MXRA5: variants seen among roughly 807,000 people sequenced by gnomAD.
MXRA5 encodes matrix-remodeling-associated protein 5.
MXRA5 carries 41 observed loss-of-function variants against 112.5 expected under a neutral mutation model. That is an observed-to-expected ratio of 0.36 (90% CI 0.28 to 0.47). MXRA5 has a LOEUF of 0.47. Ranked by LOEUF, MXRA5 falls within the 20% of genes least tolerant of loss-of-function variation. The probability of loss-of-function intolerance (pLI) is 0.99; values close to 1 mark genes in which losing one functional copy is unlikely to be tolerated. For missense variants in MXRA5, 2,150 were observed against 2,251.0 expected (o/e 0.96, Z 0.91); for synonymous variants, 862 against 900.8 (o/e 0.96, Z 0.77).
intron 5 of MXRA5, 83 bp from the exon 6 acceptor site, chrX:3,318,086 T>A: frequency 3.6e-6 from 3 of 827,176 alleles, no homozygotes; most frequent in Non-Finnish European, 5.0e-6. Context: ...GTTAATCTAA[T>A]TCTCCACTTT....
At position 3,343,816 on chromosome X, in the gene MXRA5, G is replaced by C; in HGVS notation, c.18C>G (p.His6Gln). Residue 6 changes from histidine to glutamine, a missense_variant, in exon 2 of 7, where the codon CAC (histidine) becomes CAG (glutamine). Physicochemically the swap from His to Gln is conservative, Grantham distance 24. Coordinates refer to ENST00000217939, the MANE Select transcript of MXRA5 (RefSeq NM_015419.4). MPKRAHWGALSVVLIL... is the reference protein window; with the variant it reads MPKRAQWGALSVVLIL... ...TCAGCACCACGGAGAGGGCCCCCCA[G>C]TGCGCGCGCTTGGGCATCTTGTCGG... is the stretch of plus-strand genomic sequence containing the variant. 8.3e-7 allele frequency: 1 copy of C among 1,205,115 alleles called. No homozygotes were observed. The highest frequency in any genetic ancestry group is 2.3e-4 in the Middle Eastern group (1 of 4,256).
rs1555945441 is a variant in MXRA5 at position 3,325,847 on chromosome X, A to AATAATTTATAATTATAATTTATAATAT, written c.710-899_710-873dup. Among the ~76,000 whole-genome samples the AATAATTTATAATTATAATTTATAATAT allele has an allele frequency of 2.2e-3, 130 of 58,943 alleles. 1 individual carries two copies. The highest frequency in any genetic ancestry group is 5.7e-3 in the African/African-American group (90 of 15,717). 51.2% of individuals were successfully genotyped at this position (58,943 alleles called of 115,157 possible). A position where few individuals can be genotyped will look rare whatever the true frequency, so the allele number is the denominator to read the frequency against. ...ATATATAATAATATATTTATTCATA[A>AATAATTTATAATTATAATTTATAATAT]ATAATTTATAATTATAATTTATAAT... is the stretch of plus-strand genomic sequence containing the variant. On this transcript the variant is annotated intron_variant, in intron 4 of 6. Transcript: ENST00000217939.
chrX:3,319,102 T>G (rs1921229580), intron 5 of MXRA5, among the ~76,000 whole-genome samples: 1 of 111,321 alleles, frequency 9.0e-6, no homozygotes, highest in African/African-American at 3.3e-5. Context: ...GAGTATGAAG[T>G]TCAGTTAGGA....
rs1555945442 is a variant in MXRA5, at chrX:3,325,847, A to AATAATTTATAATT, written c.710-885_710-873dup. On this transcript the variant is annotated intron_variant, in intron 4 of 6. Coordinates refer to ENST00000217939, the MANE Select transcript of MXRA5 (RefSeq NM_015419.4). ...ATATATAATAATATATTTATTCATA[A>AATAATTTATAATT]ATAATTTATAATTATAATTTATAAT... Among the ~76,000 whole-genome samples the AATAATTTATAATT allele has an allele frequency of 3.6e-3, 214 of 58,930 alleles. 1 individual carries two copies. Among genetic ancestry groups the AATAATTTATAATT allele is most frequent in the African/African-American group, 0.012 (193 of 15,705 alleles). 51.2% of individuals were successfully genotyped at this position (58,930 alleles called of 115,157 possible).
chrX:3,345,148 A>G (rs1192037440), intron 1 of MXRA5, among the ~76,000 whole-genome samples: 2 of 111,879 alleles, frequency 1.8e-5, no homozygotes, highest in Admixed American at 1.9e-4. Flanking sequence ...AATAAAAATA[A>G]AATTCTAAAA....
rs760983208 is a variant in MXRA5, at chrX:3,309,953, G to A, written c.8250C>T (p.Thr2750=). 3 of 1,209,095 alleles carry A rather than the reference G, an allele frequency of 2.5e-6. No homozygotes were observed. The highest frequency in any genetic ancestry group is 3.5e-5 in the South Asian group (2 of 56,602). Residue 2750 remains threonine, a synonymous_variant, in exon 7 of 7, where the codon ACC becomes ACT. Transcript: ENST00000217939. ...TPVIYTRPGN[T]VKLNCMAMGI... ...CCATAGCCATGCAGTTCAGTTTCAC[G>A]GTGTTCCCGGGCCGGGTGTAGATGA...
Position 3,317,523 on chromosome X carries a change from T to C in MXRA5, c.6158A>G (p.Lys2053Arg). ...CGGGGGCAGCGAGATGTTCTCCAGC[T>C]TCTCCTGGTGGATAACGGGGGGCAG... The part of the protein sequence containing the change: ...AALPPVIHQE[K>R]LENISLPPGL... Residue 2053 changes from lysine to arginine, a missense_variant, in exon 6 of 7, where the codon AAG becomes AGG. By Grantham distance (26) the Lys-to-Arg change is conservative. Transcript: ENST00000217939. 1 of 1,205,578 alleles carries C rather than the reference T, an allele frequency of 8.3e-7. No individual in the cohort carries two copies. Among genetic ancestry groups the C allele is most frequent in the Non-Finnish European group, 1.1e-6 (1 of 892,761 alleles).
intron 2 of MXRA5, among the ~76,000 whole-genome samples, chrX:3,341,093 T>TATATTA (rs1921917632): frequency 2.0e-5 from 1 of 51,002 alleles, no homozygotes; most frequent in Non-Finnish European, 3.6e-5. Context: ...ATACATAATA[T>TATATTA]GTTATACATA....
chrX:3,320,748 G>A lies in MXRA5; in HGVS notation c.4937C>T (p.Pro1646Leu), dbSNP rs776059397. The A allele has an allele frequency of 1.4e-5, 17 of 1,210,271 alleles. No homozygotes were observed. In the South Asian group the frequency reaches 1.6e-4, roughly 11 times the overall value. Reference sequence around the variant, plus strand: ...CCCAGAAGGATATGTAGTTATTTCCGGTTTGTTGGTCCAGTGACGAGGTGA... The same window carrying A: ...CCCAGAAGGATATGTAGTTATTTCCAGTTTGTTGGTCCAGTGACGAGGTGA... ...SQSPRHWTNK[P>L]EITTYPSGAL... The change falls in exon 5 of 7, where the codon CCG becomes CTG. Residue 1646 changes from proline (P) to leucine (L), a missense_variant. Pro to Leu is a moderately conservative substitution (Grantham distance 98, BLOSUM62 -3). Coordinates refer to ENST00000217939, the MANE Select transcript of MXRA5 (RefSeq NM_015419.4).
Position 3,310,057 on chromosome X carries a change from C to T in MXRA5, c.8146G>A (p.Glu2716Lys), listed in dbSNP as rs1206337351. Residue 2716 changes from glutamate to lysine, a missense_variant, in exon 7 of 7, where the codon GAG (glutamate) becomes AAG (lysine). Around this residue, in one of 6 missense-constraint regions of MXRA5, gnomAD observed 178 missense variants for 198.2 expected, o/e 0.90. Coordinates refer to ENST00000217939, the MANE Select transcript of MXRA5 (RefSeq NM_015419.4). ...ATGCTGGTGACCGAAGGGCCGTACT[C>T]CGTCTCCATCCTGCATACATAGGTA... ...RGTYVCRMET[E>K]YGPSVTSIPV... 3.3e-6 allele frequency: 4 copies of T among 1,209,192 alleles called. No individual in the cohort carries two copies. The highest frequency in any genetic ancestry group is 3.5e-5 in the African/African-American group (2 of 56,923).
At position 3,310,059 on chromosome X, in the gene MXRA5, G is replaced by T. The variant is rs756129853; in HGVS notation, c.8144C>A (p.Thr2715Lys). 3 of 1,211,360 alleles carry T rather than the reference G, an allele frequency of 2.5e-6. No individual in the cohort carries two copies. In the Admixed American group the frequency reaches 6.5e-5, roughly 26 times the overall value. ...GCTGGTGACCGAAGGGCCGTACTCC[G>T]TCTCCATCCTGCATACATAGGTACC... ...DRGTYVCRMETEYGPSVTSIP... is the reference protein window; with the variant it reads ...DRGTYVCRMEKEYGPSVTSIP... Residue 2715 changes from threonine to lysine, a missense_variant, in exon 7 of 7, where the codon ACG (threonine) becomes AAG (lysine). Physicochemically the swap from Thr to Lys is moderately conservative, Grantham distance 78. Transcript: ENST00000217939.
chrX:3,345,671 G>A (rs1170208954), intron 1 of MXRA5, among the ~76,000 whole-genome samples: 5 of 113,101 alleles, frequency 4.4e-5, no homozygotes, highest in Admixed American at 3.7e-4. Context: ...GGCCGCCAGA[G>A]ACGGTCTGCG....
chrX:3,343,779 C>T lies in MXRA5; in HGVS notation c.55G>A (p.Gly19Ser). ...ALSVVLILLW[G>S]HPRVALACPH... ...CAGGCCAGCGCCACTCGCGGATGGC[C>T]CCAAAGCAGGATCAGCACCACGGAG... is the stretch of plus-strand genomic sequence containing the variant. Residue 19 changes from glycine to serine, a missense_variant, in exon 2 of 7, where the codon GGC becomes AGC. By Grantham distance (56) the Gly-to-Ser change is moderately conservative. Transcript: ENST00000217939. 8.3e-7 allele frequency: 1 copy of T among 1,211,079 alleles called. No homozygotes were observed. Among genetic ancestry groups the T allele is most frequent in the Non-Finnish European group, 1.1e-6 (1 of 895,243 alleles).
In MXRA5 at chrX:3,323,441, C is replaced by G. The variant is rs374695208; in HGVS notation, c.2244G>C (p.Lys748Asn). The change falls in exon 5 of 7, where the codon AAG becomes AAC. Residue 748 changes from lysine to asparagine, a missense_variant. Lys to Asn is a moderately conservative substitution (Grantham distance 94, BLOSUM62 0). Around this residue, in one of 6 missense-constraint regions of MXRA5, gnomAD observed 1,485 missense variants for 1,471.6 expected, o/e 1.01. Transcript: ENST00000217939. ...TGGTCTCTGGTTCTTTTTCCGAATG[C>G]TTCCAGAGTTTCAGCTTTCTTCTCC... ...KKGRRKLKLWKHSEKEPETNV... is the reference protein window; with the variant it reads ...KKGRRKLKLWNHSEKEPETNV... The G allele has an allele frequency of 6.6e-6, 8 of 1,210,413 alleles. No homozygotes were observed. Among genetic ancestry groups the G allele is most frequent in the African/African-American group, 5.2e-5 (3 of 57,294 alleles).
Position 3,321,787 on chromosome X carries a change from T to C in MXRA5, c.3898A>G (p.Arg1300Gly), listed in dbSNP as rs41297257. Residue 1300 changes from arginine (R) to glycine (G), a missense_variant, in exon 5 of 7, where the codon AGA (arginine) becomes GGA (glycine). Around this residue, in one of 6 missense-constraint regions of MXRA5, gnomAD observed 1,485 missense variants for 1,471.6 expected, o/e 1.01. Coordinates refer to ENST00000217939, the MANE Select transcript of MXRA5 (RefSeq NM_015419.4). ...TTAGGGTAAGATGAATATATTTTTC[T>C]GGTGGTTGTCATGTAATCTAAGGAA... ...YDSLDYMTTT[R>G]KIYSSYPKVQ... 4,906 of 1,209,308 alleles carry C rather than the reference T, an allele frequency of 4.1e-3. 15 individuals are homozygous for C. The highest frequency in any genetic ancestry group is 4.8e-3 in the Non-Finnish European group (4,294 of 894,532).
In MXRA5 at chrX:3,323,680, T is replaced by C. The variant is rs1921379163; in HGVS notation, c.2005A>G (p.Thr669Ala). ...ADHFTVGITV[T>A]KKGSGLPSKR... ...GATGGCAAGCCAGACCCTTTCTTGG[T>C]CACTGTGATTCCCACCGTAAAATGG... The change falls in exon 5 of 7, where the codon ACC becomes GCC. Residue 669 changes from threonine to alanine, a missense_variant. Thr to Ala is a moderately conservative substitution (Grantham distance 58). Around this residue, in one of 6 missense-constraint regions of MXRA5, gnomAD observed 1,485 missense variants for 1,471.6 expected, o/e 1.01. Transcript: ENST00000217939. 1 of 1,207,816 alleles carries C rather than the reference T, an allele frequency of 8.3e-7. No homozygotes were observed. The highest frequency in any genetic ancestry group is 1.8e-5 in the South Asian group (1 of 56,517).
Position 3,322,039 on chromosome X carries a change from A to G in MXRA5, c.3646T>C (p.Leu1216=). The stretch of plus-strand genomic sequence containing the variant: ...GGTTCTGCATTCTTCTCCATTTCCA[A>G]CTGTTTGGGGGTATTAACTGTGTTA... ...VDNTVNTPKQ[L]EMEKNAEPTS... Residue 1216 remains leucine, a synonymous_variant, in exon 5 of 7, where the codon TTG becomes CTG. Transcript: ENST00000217939. 2 of 1,210,657 alleles carry G rather than the reference A, an allele frequency of 1.7e-6. No individual in the cohort carries two copies. The highest frequency in any genetic ancestry group is 2.2e-6 in the Non-Finnish European group (2 of 895,213).
At position 3,311,458 on chromosome X, in the gene MXRA5, CCTT is replaced by C; in HGVS notation, c.6742_6744del (p.Lys2248del). On this transcript the variant is annotated inframe_deletion, in exon 7 of 7. Transcript: ENST00000217939. ...TAGAAGACTTTGTGGTCGTTCTCCT[CCTT>C]GTGTTCAATCTTGGCCGGTTTCATC... The C allele has an allele frequency of 8.3e-7, 1 of 1,211,777 alleles. No individual in the cohort carries two copies. Among genetic ancestry groups the C allele is most frequent in the Non-Finnish European group, 1.1e-6 (1 of 895,577 alleles).
rs373551620 is a variant in MXRA5 at position 3,322,159 on chromosome X, G to A, written c.3526C>T (p.Pro1176Ser). ...HKQTPPTTFAPSETFSTQPTQ... is the reference protein window; with the variant it reads ...HKQTPPTTFASSETFSTQPTQ... ...GGTTGAGTAGAAAAAGTCTCTGATG[G>A]GGCAAAAGTTGTGGGTGGGGTTTGC... Residue 1176 changes from proline (P) to serine (S), a missense_variant, in exon 5 of 7, where the codon CCA (proline) becomes TCA (serine). Pro to Ser is a moderately conservative substitution (Grantham distance 74). Around this residue, in one of 6 missense-constraint regions of MXRA5, gnomAD observed 1,485 missense variants for 1,471.6 expected, o/e 1.01. Coordinates refer to ENST00000217939, the MANE Select transcript of MXRA5 (RefSeq NM_015419.4). The A allele has an allele frequency of 5.0e-6, 6 of 1,194,395 alleles. No individual in the cohort carries two copies. In the African/African-American group the frequency reaches 5.3e-5, roughly 11 times the overall value.
Sources: gnomAD v4.1 joint callset for allele counts (sites outside exome capture counted in the v4.1 genomes callset) on GRCh38, gnomAD v4.1.1 for gene constraint, gnomAD v4.1.1 regional missense constraint, MANE v1.5 for transcripts, NCBI Gene and HGNC (gene_info 2026-07-23, HGNC 2026-07-21) for gene names.